CRB2: variants seen among roughly 807,000 people sequenced by gnomAD.
CRB2 encodes the protein protein crumbs homolog 2.
CRB2 carries 85 observed loss-of-function variants against 110.9 expected under a neutral mutation model. The ratio of observed to expected loss-of-function variants is 0.77; its 90% CI spans 0.64 to 0.92. CRB2 has a LOEUF of 0.92. Among genes scored for constraint, CRB2 ranks in the 40% least tolerant of loss-of-function variants. The pLI is 0.00. For synonymous variants in CRB2, 907 were observed against 831.0 expected, an observed-to-expected ratio of 1.09 and a Z score of -1.57; for missense variants, 1,843 against 1,851.3, an observed-to-expected ratio of 1.00 and a Z score of 0.08.
At position 123,377,524 on chromosome 9, in the gene CRB2, G is replaced by GAGAGAC; in HGVS notation, c.*462_*463insAGAGAC. The GAGAGAC allele has an allele frequency of 6.5e-6, 1 of 154,544 alleles. No individual in the cohort carries two copies. The highest frequency in any genetic ancestry group is 2.4e-5 in the African/African-American group (1 of 41,678). The allele number at this position is 154,544 out of a possible 1,614,324, so 9.6% of individuals were successfully genotyped here. The stretch of plus-strand genomic sequence containing the variant: ...CAGGAGGTGGCGGCTGCGCCATGGG[G>GAGAGAC]TCAACCATTACAGTCCTAGGGCAGG... On this transcript the variant is annotated 3_prime_UTR_variant, in exon 13 of 13. Coordinates refer to ENST00000373631, the MANE Select transcript of CRB2 (RefSeq NM_173689.7).
At chr9:123,367,422 C>T in intron 5 of CRB2, 65 bp downstream of exon 5, 3 of 909,992 alleles carry the variant, frequency 3.3e-6, no homozygotes, top group South Asian at 1.9e-5. Context: ...CTTGTGCCCA[C>T]CCCCCCACCC....
At chr9:123,356,977 CG>C (rs1161036920) in intron 1 of CRB2, among the ~76,000 whole-genome samples, 1 of 151,988 alleles carries the variant, frequency 6.6e-6, no homozygotes, top group Non-Finnish European at 1.5e-5. Context: ...GACCCCAACT[CG>C]GGACTGAGTG....
chr9:123,376,424 C>T (rs1206280958), intron 12 of CRB2, among the ~76,000 whole-genome samples: 1 of 152,110 alleles, frequency 6.6e-6, no homozygotes, highest in African/African-American at 2.4e-5. Context: ...CCCCTCGGCC[C>T]CCCTGCCACC....
intron 1 of CRB2, among the ~76,000 whole-genome samples, chr9:123,357,988 A>G (rs1221847841): frequency 1.3e-5 from 2 of 152,202 alleles, no homozygotes; most frequent in Non-Finnish European, 2.9e-5. Flanking sequence ...CACTCAACCC[A>G]TCAGGCCTGC....
chr9:123,363,001 C>A lies in CRB2; in HGVS notation c.231C>A (p.His77Gln). ...EPRGCATQPC[H>Q]HGALCVPQGP... Reference sequence around the variant, plus strand: ...GGGGCTGTGCCACCCAGCCATGCCACCACGGCGCTCTGTGTGTGCCCCAGG... The same window carrying A: ...GGGGCTGTGCCACCCAGCCATGCCAACACGGCGCTCTGTGTGTGCCCCAGG... Residue 77 changes from histidine to glutamine, a missense_variant, in exon 2 of 13, where the codon CAC (histidine) becomes CAA (glutamine). Coordinates refer to ENST00000373631, the MANE Select transcript of CRB2 (RefSeq NM_173689.7). 6.2e-7 allele frequency: 1 copy of A among 1,612,688 alleles called. No individual in the cohort carries two copies.
At chr9:123,366,179 G>A in intron 3 of CRB2, 48 bp from the exon 4 acceptor site, 1 of 1,381,556 alleles carries the variant, frequency 7.2e-7, no homozygotes, top group Non-Finnish European at 9.3e-7. Context: ...CAGGCGCGGG[G>A]CAGAAGGGGC....
upstream of CRB2, among the ~76,000 whole-genome samples, chr9:123,354,863 G>C (rs78588985): frequency 6.6e-6 from 1 of 152,130 alleles, no homozygotes; most frequent in Admixed American, 6.5e-5. Context: ...CTAGAGGGTC[G>C]GCCAGGGCCT....
Position 123,367,417 on chromosome 9 carries a change from GCCCACCCCCCCA to G in CRB2, c.940+64_940+75del, listed in dbSNP as rs2041950024. On this transcript the variant is annotated intron_variant, in intron 5 of 12. Coordinates refer to ENST00000373631, the MANE Select transcript of CRB2 (RefSeq NM_173689.7). ...CCAGATGCCCAGGGAGGGATCTTGT[GCCCACCCCCCCA>G]CCCCCCCCACCCCCCCACCCCACAC... 2.4e-6 allele frequency: 3 copies of G among 1,269,874 alleles called. 1 individual carries two copies. The highest frequency in any genetic ancestry group is 2.9e-5 in the South Asian group (2 of 69,542). 78.7% of individuals were successfully genotyped at this position (1,269,874 alleles called of 1,614,324 possible).
Position 123,374,701 on chromosome 9 carries a change from T to C in CRB2, c.3506+6T>C, listed in dbSNP as rs1411756433. ...GAGGGTCTTGCTGGCCAGAGGTGGGTCTGGGGGCCTGGGAACTGTGAGGAG... is the reference window on the plus strand; with the variant it reads ...GAGGGTCTTGCTGGCCAGAGGTGGGCCTGGGGGCCTGGGAACTGTGAGGAG... On this transcript the variant is annotated splice_donor_region_variant and intron_variant, in intron 11 of 12. Coordinates refer to ENST00000373631, the MANE Select transcript of CRB2 (RefSeq NM_173689.7). 6.3e-7 allele frequency: 1 copy of C among 1,598,438 alleles called. No homozygotes were observed. The highest frequency in any genetic ancestry group is 8.5e-7 in the Non-Finnish European group (1 of 1,172,066).
intron 1 of CRB2, among the ~76,000 whole-genome samples, chr9:123,361,142 G>GGGGGGGGGGGGGGC (rs1554781934): frequency 6.0e-5 from 9 of 150,454 alleles, no homozygotes; most frequent in Non-Finnish European, 1.0e-4. Flanking sequence ...CGGGGAGGGG[G>GGGGGGGGGGGGGGC]GGGGGTTCCT....
At chr9:123,375,491 C>A (rs1017081674) in intron 12 of CRB2, 148 bp downstream of exon 12, 2 of 881,536 alleles carry the variant, frequency 2.3e-6, no homozygotes, top group African/African-American at 3.5e-5. Context: ...AGGTCCCTTC[C>A]ACACCCCCCA....
chr9:123,357,025 G>T (rs771449018), intron 1 of CRB2, among the ~76,000 whole-genome samples: 1 of 152,076 alleles, frequency 6.6e-6, no homozygotes, highest in Non-Finnish European at 1.5e-5. Context: ...CTGGGTGCCT[G>T]CCCGCACCCC....
intron 2 of CRB2, among the ~76,000 whole-genome samples, chr9:123,365,511 A>G (rs1382023290): frequency 1.3e-5 from 2 of 152,020 alleles, no homozygotes; most frequent in African/African-American, 4.8e-5. Context: ...TTGGAATCCA[A>G]CTGCTGCCCA....
At chr9:123,376,734 G>C (rs2130788660) in intron 12 of CRB2, 104 bp from the exon 13 acceptor site, 4 of 1,129,720 alleles carry the variant, frequency 3.5e-6, no homozygotes, top group Admixed American at 5.1e-5. Flanking sequence ...TCCCAGCTCT[G>C]ATTTTCTCTG....
chr9:123,364,368 G>A (rs533866397), intron 2 of CRB2, among the ~76,000 whole-genome samples: 3 of 151,236 alleles, frequency 2.0e-5, no homozygotes, highest in African/African-American at 4.9e-5. Context: ...TGGGTTGTGC[G>A]GGCAGTGGGT....
In CRB2 at chr9:123,366,251, C is replaced by A. The variant is rs916087143; in HGVS notation, c.639C>A (p.Thr213=). Residue 213 remains threonine (T), a synonymous_variant, in exon 4 of 13, where the codon ACC becomes ACA. Coordinates refer to ENST00000373631, the MANE Select transcript of CRB2 (RefSeq NM_173689.7). ...VNGFRCDCAG[T]GYEGTHCERE... ...GGTTCCGGTGCGACTGCGCGGGCACCGGCTACGAGGGCACGCACTGCGAGC... is the reference window on the plus strand; with the variant it reads ...GGTTCCGGTGCGACTGCGCGGGCACAGGCTACGAGGGCACGCACTGCGAGC... 1.3e-6 allele frequency: 2 copies of A among 1,482,878 alleles called. No homozygotes were observed. Among genetic ancestry groups the A allele is most frequent in the South Asian group, 1.3e-5 (1 of 77,640 alleles). 91.9% of individuals were successfully genotyped at this position (1,482,878 alleles called of 1,614,324 possible). A position where few individuals can be genotyped will look rare whatever the true frequency, so the allele number is the denominator to read the frequency against.
At chr9:123,361,707 G>A (rs2797952) in intron 1 of CRB2, among the ~76,000 whole-genome samples, 151,970 of 152,304 alleles carry the variant, frequency 1, 75,820 homozygotes, top group Non-Finnish European at 1. Context: ...TGCGGTGCTG[G>A]GGAGCTGAAT....
At position 123,372,390 on chromosome 9, in the gene CRB2, A is replaced by G; in HGVS notation, c.2602+48A>G. On this transcript the variant is annotated intron_variant, in intron 9 of 12. Transcript: ENST00000373631. Reference sequence around the variant, plus strand: ...TCCCGTGCTGGGTGCTGGACACCTAAGCTGGTTAGATCCCATCTGCACTCT... The same window carrying G: ...TCCCGTGCTGGGTGCTGGACACCTAGGCTGGTTAGATCCCATCTGCACTCT... The G allele has an allele frequency of 2.6e-6, 4 of 1,548,856 alleles. No individual in the cohort carries two copies. The East Asian group carries it at 6.8e-5, about 26-fold the overall frequency.
intron 6 of CRB2, chr9:123,369,010 T>C: frequency 8.9e-7 from 1 of 1,124,180 alleles, no homozygotes; most frequent in Non-Finnish European, 1.1e-6. Flanking sequence ...AGGAAGAGGC[T>C]GTGGTGTTTG....
Sources: gnomAD v4.1 joint callset for allele counts (sites outside exome capture counted in the v4.1 genomes callset) on GRCh38, gnomAD v4.1.1 for gene constraint, MANE v1.5 for transcripts, NCBI Gene and HGNC (gene_info 2026-07-23, HGNC 2026-07-21) for gene names.